The following PID1 variants were observed in gnomAD, a reference collection of about 807,000 sequenced individuals.
PID1 encodes PTB-containing, cubilin and LRP1-interacting protein.
PID1 carries 10 observed loss-of-function variants against 19.1 expected under a neutral mutation model. The observed-to-expected ratio is 0.52, with a 90% CI of 0.32 to 0.89. The LOEUF (loss-of-function observed/expected upper bound fraction) is 0.89. Among genes scored for constraint, PID1 ranks in the 40% least tolerant of loss-of-function variants. The pLI, the probability that PID1 is intolerant of heterozygous loss-of-function variation, is 0.03. For missense variants in PID1, 248 were observed against 285.3 expected (o/e 0.87, Z 0.94); for synonymous variants, 130 against 116.0 (o/e 1.12, Z -0.78).
chr2:229,266,537 TA>T (rs1195250105), intron 1 of PID1, among the ~76,000 whole-genome samples: 1 of 152,190 alleles, frequency 6.6e-6, no homozygotes, highest in Non-Finnish European at 1.5e-5. Context: ...GTCATTGCTC[TA>T]ACTGTATTTA....
chr2:229,238,509 T>C (rs906136976), intron 1 of PID1, among the ~76,000 whole-genome samples: 1 of 152,144 alleles, frequency 6.6e-6, no homozygotes, highest in Non-Finnish European at 1.5e-5. Flanking sequence ...ACAGTACTTA[T>C]AAGAAAAGAG....
Position 229,186,447 on chromosome 2 carries a change from A to T in PID1, c.31-30483T>A, listed in dbSNP as rs1021264291. 1.3e-4 allele frequency among the ~76,000 whole-genome samples: 20 copies of T among 152,154 alleles called. 1 individual carries two copies. Among genetic ancestry groups the T allele is most frequent in the Admixed American group, 1.0e-3 (16 of 15,268 alleles). On this transcript the variant is annotated intron_variant, in intron 1 of 2. Transcript: ENST00000392055. ...TGCCCTAGCAGAGGTTCTCCATAAG[A>T]GCCCTGCTCCTATAGCAAACTTTGG...
Position 229,057,872 on chromosome 2 carries a change from G to A in PID1, c.178-31764C>T, listed in dbSNP as rs72988998. On this transcript the variant is annotated intron_variant, in intron 2 of 2. Coordinates refer to ENST00000392055, the MANE Select transcript of PID1 (RefSeq NM_001100818.2). ...TCTACCTCCACATTCCTTAAAAGCC[G>A]GATAGGAGCAGAAGATACGTAAAAT... 2.3e-3 allele frequency among the ~76,000 whole-genome samples: 351 copies of A among 152,292 alleles called. 2 individuals are homozygous for A. Among genetic ancestry groups the A allele is most frequent in the Non-Finnish European group, 4.5e-3 (308 of 68,028 alleles).
chr2:229,252,232 A>G (rs1302432251), intron 1 of PID1, among the ~76,000 whole-genome samples: 1 of 152,240 alleles, frequency 6.6e-6, no homozygotes, highest in Non-Finnish European at 1.5e-5. Context: ...TTATAGGGAA[A>G]GGAGGAAGAG....
intron 1 of PID1, among the ~76,000 whole-genome samples, chr2:229,191,802 T>C (rs995579224): frequency 3.3e-5 from 5 of 152,176 alleles, no homozygotes; most frequent in African/African-American, 1.2e-4. Context: ...TCATGAGAGA[T>C]AGTGAGGAAT....
At chr2:229,267,627 A>G (rs1048721321) in intron 1 of PID1, among the ~76,000 whole-genome samples, 3 of 152,176 alleles carry the variant, frequency 2.0e-5, no homozygotes, top group African/African-American at 4.8e-5. Flanking sequence ...AGGCCTCCAG[A>G]AAATGCATCT....
chr2:229,054,674 C>T (rs373720922), intron 2 of PID1, among the ~76,000 whole-genome samples: 2 of 129,040 alleles, frequency 1.5e-5, no homozygotes, highest in African/African-American at 6.0e-5. Context: ...GCTGCAATTC[C>T]ATAAGCTCTA....
At chr2:229,101,735 G>T (rs1695078175) in intron 2 of PID1, among the ~76,000 whole-genome samples, 1 of 152,182 alleles carries the variant, frequency 6.6e-6, no homozygotes, top group Non-Finnish European at 1.5e-5. Flanking sequence ...CAAAGACCTT[G>T]ACCTTCAGAT....
At chr2:229,033,439 CA>C (rs1319801896) in intron 2 of PID1, among the ~76,000 whole-genome samples, 2 of 151,916 alleles carry the variant, frequency 1.3e-5, no homozygotes, top group Non-Finnish European at 2.9e-5. Context: ...AACAGAAAAC[CA>C]AACACTGCAT....
chr2:229,163,426 GGCTATTATTAA>G (rs1440067058), intron 1 of PID1, among the ~76,000 whole-genome samples: 1 of 152,012 alleles, frequency 6.6e-6, no homozygotes, highest in Non-Finnish European at 1.5e-5. Flanking sequence ...TTAAAGAAAT[GGCTATTATTAA>G]GCTAACTGAA....
At chr2:229,081,328 G>A (rs2106210831) in intron 2 of PID1, among the ~76,000 whole-genome samples, 1 of 152,240 alleles carries the variant, frequency 6.6e-6, no homozygotes, top group South Asian at 2.1e-4. Context: ...ACTCTTGCAG[G>A]GAAGACCAAA....
chr2:229,032,261 T>TC (rs1693570538), intron 2 of PID1, among the ~76,000 whole-genome samples: 1 of 152,200 alleles, frequency 6.6e-6, no homozygotes, highest in Non-Finnish European at 1.5e-5. Context: ...TGCCATGGTT[T>TC]CTCTCATGTG....
chr2:229,059,200 G>A (rs1002510427), intron 2 of PID1, among the ~76,000 whole-genome samples: 5 of 152,164 alleles, frequency 3.3e-5, no homozygotes, highest in Admixed American at 6.5e-5. Flanking sequence ...GGAAATGGGC[G>A]TGTGTGTGGC....
At chr2:229,029,318 C>CAAA (rs200650395) in intron 2 of PID1, among the ~76,000 whole-genome samples, 1 of 107,784 alleles carries the variant, frequency 9.3e-6, no homozygotes, top group African/African-American at 3.4e-5. Context: ...TTTTTGAAGC[C>CAAA]AAAAAAAAAA....
chr2:229,207,516 G>T lies in PID1; in HGVS notation c.31-51552C>A, dbSNP rs145214538. 2.5e-3 allele frequency among the ~76,000 whole-genome samples: 368 copies of T among 148,802 alleles called. 3 individuals are homozygous for T. Among genetic ancestry groups the T allele is most frequent in the African/African-American group, 8.5e-3 (340 of 40,178 alleles). On this transcript the variant is annotated intron_variant, in intron 1 of 2. Transcript: ENST00000392055. The stretch of plus-strand genomic sequence containing the variant: ...TAGCATGGGTTGGATCTAGTAGGAC[G>T]ACCTCAATCTGAGGTAAAAGAGCCA...
intron 2 of PID1, among the ~76,000 whole-genome samples, chr2:229,033,195 G>A (rs1693592042): frequency 6.6e-6 from 1 of 152,124 alleles, no homozygotes; most frequent in African/African-American, 2.4e-5. Flanking sequence ...GGGATCAAAA[G>A]GGTAACGTCA....
intron 1 of PID1, among the ~76,000 whole-genome samples, chr2:229,252,042 G>C (rs143374875): frequency 1.3e-5 from 2 of 150,822 alleles, no homozygotes; most frequent in East Asian, 3.9e-4. Flanking sequence ...ATTTGTTTTT[G>C]TCCAATTCAT....
intron 1 of PID1, among the ~76,000 whole-genome samples, chr2:229,223,157 T>C (rs1692009522): frequency 6.6e-6 from 1 of 152,152 alleles, no homozygotes; most frequent in South Asian, 2.1e-4. Flanking sequence ...CAAATTGCTT[T>C]TCCAAAGTGG....
intron 2 of PID1, among the ~76,000 whole-genome samples, chr2:229,130,000 C>T (rs556867937): frequency 6.6e-6 from 1 of 152,226 alleles, no homozygotes; most frequent in South Asian, 2.1e-4. Context: ...ACGGTCACAC[C>T]AAGAAAGAAA....
Sources: gnomAD v4.1 joint callset for allele counts (sites outside exome capture counted in the v4.1 genomes callset) on GRCh38, gnomAD v4.1.1 for gene constraint, MANE v1.5 for transcripts, NCBI Gene and HGNC (gene_info 2026-07-23, HGNC 2026-07-21) for gene names.